The following IK variants were observed in gnomAD, a reference collection of about 807,000 sequenced individuals.
IK encodes the protein IK cytokine.
Under a neutral mutation model 90.9 loss-of-function variants are expected in IK, and 47 were observed. The observed-to-expected ratio is 0.52, with a 90% confidence interval of 0.41 to 0.66. The LOEUF (loss-of-function observed/expected upper bound fraction) is 0.66, where lower values mean the gene tolerates loss of function less well. IK is among the 30% of genes least tolerant of loss of function. IK has a pLI of 0.00. For synonymous variants in IK, 201 were observed against 227.5 expected (o/e 0.88, Z 1.05); for missense variants, 385 against 709.3 (o/e 0.54, Z 5.19).
intron 5 of IK, 72 bp downstream of exon 5, chr5:140,653,216 C>T: frequency 7.4e-7 from 1 of 1,356,556 alleles, no homozygotes; most frequent in South Asian, 1.3e-5. Flanking sequence ...TGAACTCTTC[C>T]TCTTACTTTC....
rs986819876 is a variant in IK at position 140,651,765 on chromosome 5, T to C, written c.135T>C (p.Ala45=). The change falls in exon 3 of 20, where the codon GCT becomes GCC. Residue 45 remains alanine, a synonymous_variant. Coordinates refer to ENST00000417647, the MANE Select transcript of IK (RefSeq NM_006083.4). ...GGAAACTTCTCATGACCCCCAGGGC[T>C]GCACCTACCTCTGCACCACCTTCTA... ...DFRKLLMTPR[A]APTSAPPSKS... is the part of the protein sequence containing the mutation. 6 of 1,613,004 alleles carry C rather than the reference T, an allele frequency of 3.7e-6. No individual in the cohort carries two copies. Among genetic ancestry groups the C allele is most frequent in the Non-Finnish European group, 5.1e-6 (6 of 1,178,984 alleles).
At chr5:140,658,826 T>G in intron 11 of IK, 50 bp downstream of exon 11, 1 of 1,598,446 alleles carries the variant, frequency 6.3e-7, no homozygotes. Flanking sequence ...GGTCTGTACA[T>G]TTCTTGTGTC....
At chr5:140,647,970 C>G in intron 1 of IK, 46 bp downstream of exon 1, 1 of 1,587,184 alleles carries the variant, frequency 6.3e-7, no homozygotes, top group East Asian at 2.2e-5. Flanking sequence ...GCACTTGGGG[C>G]ACTTGGCGCA....
chr5:140,661,400 C>T lies in IK; in HGVS notation c.1414-220C>T. 1 of 511,262 alleles carries T rather than the reference C, an allele frequency of 2.0e-6. No individual in the cohort carries two copies. Among genetic ancestry groups the T allele is most frequent in the South Asian group, 2.5e-5 (1 of 40,262 alleles). The allele number at this position is 511,262 out of a possible 1,614,324, so 31.7% of individuals were successfully genotyped here. A position where few individuals can be genotyped will look rare whatever the true frequency, so the allele number is the denominator to read the frequency against. ...ATGGAGAGAAATATAGTTCCCTCTT[C>T]ATAGATTTTATGAGAATTAAGTGAG... On this transcript the variant is annotated intron_variant, in intron 16 of 19. Transcript: ENST00000417647. This position sits in a 1 kb window ranked among gnomAD's most constrained non-coding sequence, Gnocchi z 4.2.
chr5:140,661,074 C>T lies in IK; in HGVS notation c.1413+259C>T, dbSNP rs189053826. ...GCCAGGCTTTGATTCCCATGGTAGG[C>T]AGTAAGCAAGCATCAATGCATAAGT... On this transcript the variant is annotated intron_variant, in intron 16 of 19. Transcript: ENST00000417647. This position sits in a 1 kb window ranked among gnomAD's most constrained non-coding sequence, Gnocchi z 4.2. 164 of 425,430 alleles carry T rather than the reference C, an allele frequency of 3.9e-4. No individual in the cohort carries two copies. Among genetic ancestry groups the T allele is most frequent in the Middle Eastern group, 2.4e-3 (4 of 1,662 alleles). 26.4% of individuals were successfully genotyped at this position (425,430 alleles called of 1,614,324 possible).
chr5:140,653,218 C>T (rs574332053), intron 5 of IK, 74 bp downstream of exon 5: 1 of 1,323,646 alleles, frequency 7.6e-7, no homozygotes, highest in African/African-American at 1.5e-5. Flanking sequence ...AACTCTTCCT[C>T]TTACTTTCCT....
At chr5:140,653,190 T>G in intron 5 of IK, 46 bp downstream of exon 5, 1 of 1,538,068 alleles carries the variant, frequency 6.5e-7, no homozygotes, top group Non-Finnish European at 8.9e-7. Context: ...CATCCGAGAG[T>G]CATGCAAATA....
chr5:140,658,704 A>G, intron 10 of IK, 33 bp from the exon 11 acceptor site: 2 of 1,546,594 alleles, frequency 1.3e-6, no homozygotes, highest in South Asian at 2.3e-5. Flanking sequence ...TTAACTGAGG[A>G]GTATGTTCCT....
chr5:140,657,240 C>T (rs1480597259), intron 9 of IK, among the ~76,000 whole-genome samples: 1 of 152,124 alleles, frequency 6.6e-6, no homozygotes, highest in Non-Finnish European at 1.5e-5. Context: ...TGTCTCACTA[C>T]AGTTTAGAAG....
At chr5:140,652,486 G>T (rs565082102) in intron 4 of IK, among the ~76,000 whole-genome samples, 4 of 152,194 alleles carry the variant, frequency 2.6e-5, no homozygotes, top group Admixed American at 1.3e-4. Flanking sequence ...CCAATGCCTG[G>T]CATATGGTAA....
chr5:140,659,389 T>C (rs1250149456), intron 13 of IK, 56 bp downstream of exon 13: 3 of 1,601,032 alleles, frequency 1.9e-6, no homozygotes, highest in African/African-American at 2.7e-5. Flanking sequence ...TTTCCCCTGG[T>C]AGGGCTCAGA....
Position 140,653,032 on chromosome 5 carries a change from A to G in IK, c.292A>G (p.Lys98Glu). The G allele has an allele frequency of 1.2e-6, 2 of 1,613,904 alleles. No homozygotes were observed. Among genetic ancestry groups the G allele is most frequent in the Non-Finnish European group, 1.7e-6 (2 of 1,179,864 alleles). ...TGAGAGAGAGAGAGAGCTAGCAGAG[A>G]AGTACCGGGATCGTGCCAAGGAACG... ...EIERERELAE[K>E]YRDRAKERRD... The change falls in exon 5 of 20, where the codon AAG becomes GAG. Residue 98 changes from lysine to glutamate, a missense_variant. By Grantham distance (56) the Lys-to-Glu change is moderately conservative (BLOSUM62 1). Around this residue, in one of 8 missense-constraint regions of IK, gnomAD observed 64 missense variants for 144.6 expected, o/e 0.44. Transcript: ENST00000417647.
intron 2 of IK, among the ~76,000 whole-genome samples, chr5:140,650,788 A>G (rs1450038471): frequency 1.3e-5 from 2 of 152,098 alleles, no homozygotes; most frequent in Admixed American, 6.6e-5. Flanking sequence ...CATGTTGGCC[A>G]TGCTGGTCTT....
At chr5:140,651,004 A>C (rs756367449) in intron 2 of IK, among the ~76,000 whole-genome samples, 2 of 152,190 alleles carry the variant, frequency 1.3e-5, no homozygotes, top group Admixed American at 6.5e-5. Context: ...TATATACTTA[A>C]ATTTTAACAA....
chr5:140,658,656 C>A, intron 10 of IK, 81 bp from the exon 11 acceptor site: 1 of 1,128,458 alleles, frequency 8.9e-7, no homozygotes, highest in Non-Finnish European at 1.3e-6. Flanking sequence ...TTTAAAAGGG[C>A]ATTAAGAGCT....
chr5:140,658,007 A>T lies in IK; in HGVS notation c.910+345A>T, dbSNP rs971276503. 2.6e-5 allele frequency among the ~76,000 whole-genome samples: 4 copies of T among 152,082 alleles called. No homozygotes were observed. The East Asian group carries it at 7.7e-4, about 29-fold the overall frequency. On this transcript the variant is annotated intron_variant, in intron 10 of 19. Transcript: ENST00000417647. ...ACCGACATTTTATTTTATTTTATTT[A>T]TTTATTTTTTGAGACGGAGTCTCGC...
At chr5:140,659,936 CT>C in intron 14 of IK, 102 bp downstream of exon 14, 2 of 981,494 alleles carry the variant, frequency 2.0e-6, no homozygotes, top group Non-Finnish European at 3.2e-6. Context: ...CTCTCCTTCC[CT>C]TTTACGCTGA....
chr5:140,659,854 G>A lies in IK; in HGVS notation c.1274+20G>A, dbSNP rs372788903. On this transcript the variant is annotated intron_variant, in intron 14 of 19. Coordinates refer to ENST00000417647, the MANE Select transcript of IK (RefSeq NM_006083.4). ...AGAATCATATCCTTTATTTTAATACGTTCCTGGGTTCCAGAGAACTGGTCT... is the reference window on the plus strand; with the variant it reads ...AGAATCATATCCTTTATTTTAATACATTCCTGGGTTCCAGAGAACTGGTCT... 4.3e-5 allele frequency: 66 copies of A among 1,534,192 alleles called. 1 individual carries two copies. The African/African-American group carries it at 6.4e-4, about 15-fold the overall frequency.
At chr5:140,660,066 T>G in intron 14 of IK, 49 bp from the exon 15 acceptor site, 1 of 1,542,178 alleles carries the variant, frequency 6.5e-7, no homozygotes, top group Non-Finnish European at 8.9e-7. Context: ...GCTGAAGCTT[T>G]ACAGCAATAG....
Sources: gnomAD v4.1 joint callset for allele counts (sites outside exome capture counted in the v4.1 genomes callset) on GRCh38, gnomAD v4.1.1 for gene constraint, gnomAD v4.1.1 regional missense constraint, Gnocchi (gnomAD v3.1) non-coding constraint, MANE v1.5 for transcripts, NCBI Gene and HGNC (gene_info 2026-07-23, HGNC 2026-07-21) for gene names.